The following ADTRP variants were observed in gnomAD, a reference collection of about 807,000 sequenced individuals.
ADTRP encodes the protein androgen-dependent TFPI-regulating protein.
Under a neutral mutation model 27.0 loss-of-function variants are expected in ADTRP, and 20 were observed. The observed-to-expected ratio is 0.74, with a 90% CI of 0.52 to 1.08. The LOEUF is 1.08. Ranked by LOEUF, ADTRP falls within the 50% of genes least tolerant of loss-of-function variation. The pLI is 0.00. For missense variants in ADTRP, 251 were observed against 275.0 expected, an observed-to-expected ratio of 0.91 and a Z score of 0.62; for synonymous variants, 101 against 105.2, an observed-to-expected ratio of 0.96 and a Z score of 0.25.
intron 1 of ADTRP, among the ~76,000 whole-genome samples, chr6:11,769,309 G>C (rs1253079781): frequency 1.3e-5 from 2 of 152,168 alleles, no homozygotes; most frequent in Non-Finnish European, 2.9e-5. Context: ...GAAGGTTCTA[G>C]AGCCTGGGGA....
intron 3 of ADTRP, among the ~76,000 whole-genome samples, chr6:11,755,897 G>C (rs1215320712): frequency 6.6e-6 from 1 of 152,186 alleles, no homozygotes; most frequent in African/African-American, 2.4e-5. Context: ...CTCTGAACAA[G>C]GGCCTTCCCC....
intron 3 of ADTRP, among the ~76,000 whole-genome samples, chr6:11,758,869 A>T (rs1258686462): frequency 6.6e-6 from 1 of 152,108 alleles, no homozygotes; most frequent in Admixed American, 6.5e-5. Context: ...TCTGGTCACA[A>T]TCCATTGGTC....
intron 3 of ADTRP, among the ~76,000 whole-genome samples, chr6:11,748,091 A>G (rs1290418755): frequency 2.0e-5 from 3 of 152,204 alleles, no homozygotes; most frequent in Admixed American, 2.0e-4. Flanking sequence ...CAAGCAAAAT[A>G]TATGTAATTA....
intron 1 of ADTRP, among the ~76,000 whole-genome samples, chr6:11,772,675 C>T (rs1326452974): frequency 1.3e-5 from 2 of 152,134 alleles, no homozygotes; most frequent in African/African-American, 2.4e-5. Flanking sequence ...CAAGAATTTG[C>T]GGTGGAAGAC....
At chr6:11,771,341 G>A (rs1314910992) in intron 1 of ADTRP, among the ~76,000 whole-genome samples, 1 of 152,224 alleles carries the variant, frequency 6.6e-6, no homozygotes, top group Non-Finnish European at 1.5e-5. Context: ...CAAGCAGGTG[G>A]AACCCCCGCG....
chr6:11,755,049 C>G (rs1763169430), intron 3 of ADTRP: 1 of 985,280 alleles, frequency 1.0e-6, no homozygotes, highest in Admixed American at 6.2e-5. Context: ...TGGTTATTCT[C>G]CAGCATCAAG....
intron 1 of ADTRP, among the ~76,000 whole-genome samples, chr6:11,771,349 G>C (rs1763774164): frequency 6.6e-6 from 1 of 152,178 alleles, no homozygotes; most frequent in African/African-American, 2.4e-5. Flanking sequence ...TGGAACCCCC[G>C]CGTGGGGGCT....
intron 4 of ADTRP, among the ~76,000 whole-genome samples, chr6:11,729,020 A>T (rs1462065117): frequency 6.6e-6 from 1 of 152,222 alleles, no homozygotes; most frequent in African/African-American, 2.4e-5. Context: ...ACCAAATGGC[A>T]GCCAAAAATT....
chr6:11,735,624 T>A lies in ADTRP; in HGVS notation c.450A>T (p.Pro150=). The A allele has an allele frequency of 6.2e-7, 1 of 1,614,110 alleles. No individual in the cohort carries two copies. The highest frequency in any genetic ancestry group is 8.5e-7 in the Non-Finnish European group (1 of 1,180,004). ...GCAAGGTGAGTCCTGTCTTCTTTGA[T>A]GGATAGGAGTGAGGCCTGAGGACGA... ...AEVVLRPHSY[P]SKKTGLTLLA... The change falls in exon 4 of 6, where the codon CCA becomes CCT. Residue 150 remains proline, a synonymous_variant. Coordinates refer to ENST00000414691, the MANE Select transcript of ADTRP (RefSeq NM_032744.4).
chr6:11,757,579 A>C (rs1020155958), intron 3 of ADTRP, among the ~76,000 whole-genome samples: 6 of 152,224 alleles, frequency 3.9e-5, no homozygotes, highest in African/African-American at 1.4e-4. Flanking sequence ...GTAATTAATT[A>C]AGATGAGGTC....
At chr6:11,760,800 C>A (rs1354452364) in intron 3 of ADTRP, among the ~76,000 whole-genome samples, 1 of 152,172 alleles carries the variant, frequency 6.6e-6, no homozygotes, top group East Asian at 1.9e-4. Flanking sequence ...TTGCACCTCC[C>A]AAGCCTCTGT....
At chr6:11,736,373 T>G (rs1762553838) in intron 3 of ADTRP, 1 of 152,894 alleles carries the variant, frequency 6.5e-6, no homozygotes, top group African/African-American at 2.4e-5. Context: ...TCACAGATAT[T>G]CACACATTTG....
At chr6:11,724,041 C>A (rs4711401) in intron 4 of ADTRP, among the ~76,000 whole-genome samples, 12,020 of 151,264 alleles carry the variant, frequency 0.079, 840 homozygotes, top group South Asian at 0.18. Flanking sequence ...GCCTGGGCAA[C>A]AAGAGTGAAA....
At chr6:11,723,219 G>C in intron 5 of ADTRP, 130 bp downstream of exon 5, 1 of 1,291,198 alleles carries the variant, frequency 7.7e-7, no homozygotes, top group Non-Finnish European at 1.1e-6. Context: ...GGACCTGTCT[G>C]AGTACTTTGG....
intron 3 of ADTRP, among the ~76,000 whole-genome samples, chr6:11,750,717 T>A (rs1763018397): frequency 6.6e-6 from 1 of 152,236 alleles, no homozygotes; most frequent in African/African-American, 2.4e-5. Context: ...ACAAAATGAA[T>A]TCTTTAATCA....
chr6:11,727,882 G>T (rs1259180574), intron 4 of ADTRP, among the ~76,000 whole-genome samples: 2 of 149,582 alleles, frequency 1.3e-5, no homozygotes, highest in African/African-American at 4.9e-5. Context: ...GCCTGAATAT[G>T]AGGGGAAGGT....
chr6:11,737,881 T>A (rs899457946), intron 3 of ADTRP, among the ~76,000 whole-genome samples: 2 of 152,216 alleles, frequency 1.3e-5, no homozygotes, highest in African/African-American at 4.8e-5. Context: ...ACCTTGCATA[T>A]TTCTTCAGTC....
At chr6:11,719,972 C>T (rs1761964100) in intron 5 of ADTRP, among the ~76,000 whole-genome samples, 1 of 152,142 alleles carries the variant, frequency 6.6e-6, no homozygotes, top group African/African-American at 2.4e-5. Context: ...AGGAGGAGGC[C>T]ACTAGCATTA....
chr6:11,735,628 T>C lies in ADTRP; in HGVS notation c.446A>G (p.Tyr149Cys), dbSNP rs761011128. The C allele has an allele frequency of 6.2e-6, 10 of 1,613,938 alleles. No individual in the cohort carries two copies. The highest frequency in any genetic ancestry group is 5.3e-5 in the African/African-American group (4 of 74,870). Residue 149 changes from tyrosine (Y) to cysteine (C), a missense_variant, in exon 4 of 6, where the codon TAT (tyrosine) becomes TGT (cysteine). Physicochemically the swap from Tyr to Cys is radical, Grantham distance 194 (BLOSUM62 -2). Transcript: ENST00000414691. ...LAEVVLRPHS[Y>C]PSKKTGLTLL... Reference sequence around the variant, plus strand: ...GGTGAGTCCTGTCTTCTTTGATGGATAGGAGTGAGGCCTGAGGACGACTTC... The same window carrying C: ...GGTGAGTCCTGTCTTCTTTGATGGACAGGAGTGAGGCCTGAGGACGACTTC...
Sources: gnomAD v4.1 joint callset for allele counts (sites outside exome capture counted in the v4.1 genomes callset) on GRCh38, gnomAD v4.1.1 for gene constraint, MANE v1.5 for transcripts, NCBI Gene and HGNC (gene_info 2026-07-23, HGNC 2026-07-21) for gene names.